TNR: variants seen among roughly 807,000 people sequenced by gnomAD.
The protein encoded by TNR is tenascin-R.
TNR carries 45 observed loss-of-function variants against 150.4 expected under a neutral mutation model. The ratio of observed to expected loss-of-function variants is 0.30; its 90% CI spans 0.24 to 0.38. The LOEUF (loss-of-function observed/expected upper bound fraction) is 0.38. TNR is among the 10% of genes least tolerant of loss of function. The pLI, the probability that TNR is intolerant of heterozygous loss-of-function variation, is 1.00. For missense variants in TNR, 1,544 were observed against 1,759.1 expected, an observed-to-expected ratio of 0.88 and a Z score of 2.19; for synonymous variants, 687 against 678.4, an observed-to-expected ratio of 1.01 and a Z score of -0.20.
At chr1:175,647,880 T>C (rs1411364260) in intron 1 of TNR, among the ~76,000 whole-genome samples, 1 of 152,114 alleles carries the variant, frequency 6.6e-6, no homozygotes, top group African/African-American at 2.4e-5. Flanking sequence ...AGCCCTGTTT[T>C]CCCAGCCTTT....
chr1:175,371,336 T>C (rs1437044468), intron 9 of TNR, among the ~76,000 whole-genome samples: 1 of 152,200 alleles, frequency 6.6e-6, no homozygotes, highest in East Asian at 1.9e-4. Context: ...GGTTGATGCT[T>C]TTCTCAACTC....
chr1:175,416,817 G>A (rs773780121), intron 2 of TNR, among the ~76,000 whole-genome samples: 3 of 152,108 alleles, frequency 2.0e-5, no homozygotes, highest in Non-Finnish European at 4.4e-5. Flanking sequence ...GACTGTCCTG[G>A]TTAACACCGG....
rs528640070 is a variant in TNR at position 175,376,712 on chromosome 1, T to C, written c.1963+2840A>G. On this transcript the variant is annotated intron_variant, in intron 9 of 22. Coordinates refer to ENST00000367674, the MANE Select transcript of TNR (RefSeq NM_003285.3). The stretch of plus-strand genomic sequence containing the variant: ...GCCTCAGCAAGAGAACCAACAATCC[T>C]TGCAACTAGCATCTCAGCGAGTACA... 9.5e-4 allele frequency among the ~76,000 whole-genome samples: 145 copies of C among 152,276 alleles called. 1 individual carries two copies. The highest frequency in any genetic ancestry group is 3.3e-3 in the African/African-American group (138 of 41,566).
rs764383442 is a variant in TNR at position 175,359,636 on chromosome 1, C to T, written c.2950G>A (p.Val984Ile). The T allele has an allele frequency of 4.6e-5, 74 of 1,613,630 alleles. No homozygotes were observed. The highest frequency in any genetic ancestry group is 1.5e-4 in the South Asian group (14 of 91,060). ...CCTGCAAAGTGTGTAAGAACAATGA[C>T]GTAGTTCTCCACCTCACCCACTGGT... ...KAPVGEVENY[V>I]IVLTHFAVAG... is the part of the protein sequence containing the mutation. The change falls in exon 15 of 23, where the codon GTC becomes ATC. Residue 984 changes from valine to isoleucine, a missense_variant. Val to Ile is a conservative substitution (Grantham distance 29). Coordinates refer to ENST00000367674, the MANE Select transcript of TNR (RefSeq NM_003285.3).
intron 2 of TNR, among the ~76,000 whole-genome samples, chr1:175,408,232 A>C (rs2102050502): frequency 6.6e-6 from 1 of 152,308 alleles, no homozygotes; most frequent in East Asian, 1.9e-4. Flanking sequence ...GGACGGCGAG[A>C]GTGCTCAGTG....
In TNR at chr1:175,364,878, G is replaced by A. The variant is rs1227138741; in HGVS notation, c.2587+132C>T. On this transcript the variant is annotated intron_variant, in intron 12 of 22. Coordinates refer to ENST00000367674, the MANE Select transcript of TNR (RefSeq NM_003285.3). The stretch of plus-strand genomic sequence containing the variant: ...GGAGGAAGTAGCTGTTTCAGAACAG[G>A]TCACAGACTTTCTCTAGCCATAGAG... 1.6e-5 allele frequency: 18 copies of A among 1,160,812 alleles called. No homozygotes were observed. The Admixed American group carries it at 3.8e-4, about 24-fold the overall frequency. 71.9% of individuals were successfully genotyped at this position (1,160,812 alleles called of 1,614,324 possible).
intron 1 of TNR, among the ~76,000 whole-genome samples, chr1:175,576,767 C>T (rs1662128846): frequency 6.6e-6 from 1 of 152,150 alleles, no homozygotes; most frequent in African/African-American, 2.4e-5. Flanking sequence ...ATTTTTGAGA[C>T]ACTATTTTTT....
At chr1:175,466,582 T>C (rs1657044251) in intron 2 of TNR, among the ~76,000 whole-genome samples, 1 of 152,196 alleles carries the variant, frequency 6.6e-6, no homozygotes, top group South Asian at 2.1e-4. Context: ...GCCACATTTT[T>C]TTCTGGGCCA....
At chr1:175,638,970 C>T (rs1664568849) in intron 1 of TNR, among the ~76,000 whole-genome samples, 1 of 152,182 alleles carries the variant, frequency 6.6e-6, no homozygotes, top group African/African-American at 2.4e-5. Flanking sequence ...TGACTTCTCT[C>T]TTTCTGTCAA....
In TNR at chr1:175,672,630, G is replaced by T. The variant is rs569422553; in HGVS notation, c.-165+70596C>A. Among the ~76,000 whole-genome samples the T allele has an allele frequency of 1.9e-3, 296 of 152,306 alleles. 2 individuals are homozygous for T. The highest frequency in any genetic ancestry group is 6.7e-3 in the African/African-American group (278 of 41,550). Reference sequence around the variant, plus strand: ...CCACAACCTGTGCATTCACAGAGGTGAATTCTAACCAGACAAGAGGATATC... The same window carrying T: ...CCACAACCTGTGCATTCACAGAGGTTAATTCTAACCAGACAAGAGGATATC... On this transcript the variant is annotated intron_variant, in intron 1 of 22. Transcript: ENST00000367674.
intron 18 of TNR, among the ~76,000 whole-genome samples, chr1:175,346,825 A>T (rs1040223421): frequency 6.6e-6 from 1 of 151,968 alleles, no homozygotes; most frequent in African/African-American, 2.4e-5. Context: ...CAAACAAAAC[A>T]ATAACAATGT....
intron 1 of TNR, among the ~76,000 whole-genome samples, chr1:175,607,852 T>A (rs994957062): frequency 2.0e-5 from 3 of 152,252 alleles, no homozygotes; most frequent in African/African-American, 7.2e-5. Context: ...GTACTAACTA[T>A]TTCATGAGGC....
In TNR at chr1:175,503,093, A is replaced by C. The variant is rs115918623; in HGVS notation, c.-64+25176T>G. Among the ~76,000 whole-genome samples, 931 of 151,842 alleles carry C rather than the reference A, an allele frequency of 6.1e-3. 12 individuals are homozygous for C. The highest frequency in any genetic ancestry group is 0.021 in the African/African-American group (876 of 41,122). ...ATAGGATGCCCCGCCGCAGTGGCGC[A>C]TGAGTGGACACAGGTCCATATGAAC... On this transcript the variant is annotated intron_variant, in intron 2 of 22. Coordinates refer to ENST00000367674, the MANE Select transcript of TNR (RefSeq NM_003285.3).
chr1:175,588,658 C>T (rs748385626), intron 1 of TNR, among the ~76,000 whole-genome samples: 2 of 152,176 alleles, frequency 1.3e-5, no homozygotes, highest in Non-Finnish European at 2.9e-5. Flanking sequence ...GCCTCACAAT[C>T]CCATCAGTGG....
chr1:175,577,193 T>C (rs553355729), intron 1 of TNR, among the ~76,000 whole-genome samples: 47 of 152,214 alleles, frequency 3.1e-4, no homozygotes, highest in African/African-American at 1.1e-3. Flanking sequence ...TGGATCCAAC[T>C]CTAGAGACAA....
rs1389728409 is a variant in TNR, at chr1:175,737,274, G to GT, written c.-165+5951dup. 3.9e-5 allele frequency among the ~76,000 whole-genome samples: 6 copies of GT among 152,246 alleles called. No homozygotes were observed. In the South Asian group the frequency reaches 6.2e-4, roughly 16 times the overall value. ...AGTCATTTAGCATCACTATGCCTCAGTTTTTTCACCTGTAAAACGGGGACA... is the reference window on the plus strand; with the variant it reads ...AGTCATTTAGCATCACTATGCCTCAGTTTTTTTCACCTGTAAAACGGGGACA... On this transcript the variant is annotated intron_variant, in intron 1 of 22. Transcript: ENST00000367674.
At position 175,324,395 on chromosome 1, in the gene TNR, G is replaced by T. The variant is rs757805571; in HGVS notation, c.3918C>A (p.Thr1306=). The T allele has an allele frequency of 6.2e-7, 1 of 1,614,060 alleles. No individual in the cohort carries two copies. The highest frequency in any genetic ancestry group is 8.5e-7 in the Non-Finnish European group (1 of 1,180,006). ...ACTCCCCGTACTTCCCATTGAGGTT[G>T]GTCCGGTGGCAGTTCTTATACCACC... is the stretch of plus-strand genomic sequence containing the variant. ...GAWWYKNCHR[T]NLNGKYGESR... The change falls in exon 22 of 23, where the codon ACC becomes ACA. Residue 1306 remains threonine (T), a synonymous_variant. Transcript: ENST00000367674.
chr1:175,323,289 C>T lies in TNR; in HGVS notation c.*68G>A, dbSNP rs1159638248. 1.9e-6 allele frequency: 3 copies of T among 1,589,090 alleles called. No individual in the cohort carries two copies. The highest frequency in any genetic ancestry group is 4.5e-5 in the East Asian group (2 of 44,528). On this transcript the variant is annotated 3_prime_UTR_variant, in exon 23 of 23. Transcript: ENST00000367674. The stretch of plus-strand genomic sequence containing the variant: ...AAAACACATTGCTATTACCCTCCCC[C>T]CTTGTTTCATATTATAAAATACAAA...
At position 175,320,443 on chromosome 1, in the gene TNR, A is replaced by G. The variant is rs1648976169; in HGVS notation, c.*2914T>C. 1.3e-5 allele frequency: 2 copies of G among 152,202 alleles called. No homozygotes were observed. The highest frequency in any genetic ancestry group is 2.9e-5 in the Non-Finnish European group (2 of 68,038). 9.4% of individuals were successfully genotyped at this position (152,202 alleles called of 1,614,324 possible). On this transcript the variant is annotated 3_prime_UTR_variant, in exon 23 of 23. Transcript: ENST00000367674. ...TCTTTGAAGTCTCTTTCTTGCTTCAAAATAAAGCTATGCAATGCCGCTGGT... is the reference window on the plus strand; with the variant it reads ...TCTTTGAAGTCTCTTTCTTGCTTCAGAATAAAGCTATGCAATGCCGCTGGT...
Sources: gnomAD v4.1 joint callset for allele counts (sites outside exome capture counted in the v4.1 genomes callset) on GRCh38, gnomAD v4.1.1 for gene constraint, MANE v1.5 for transcripts, NCBI Gene and HGNC (gene_info 2026-07-23, HGNC 2026-07-21) for gene names.